The following BCL7A variants were observed in gnomAD, a reference collection of about 807,000 sequenced individuals.
BCL7A encodes the protein B-cell CLL/lymphoma 7 protein family member A.
In BCL7A, 11 loss-of-function variants were observed where a neutral mutation model predicts 28.4. The ratio of observed to expected loss-of-function variants is 0.39; its 90% CI spans 0.24 to 0.64. The LOEUF (loss-of-function observed/expected upper bound fraction) is 0.64. BCL7A is among the 30% of genes least tolerant of loss of function. BCL7A has a pLI of 0.50. For missense variants in BCL7A, 222 were observed against 274.8 expected, an observed-to-expected ratio of 0.81 and a Z score of 1.36; for synonymous variants, 123 against 103.3, an observed-to-expected ratio of 1.19 and a Z score of -1.15.
chr12:122,026,776 G>A (rs971233563), intron 1 of BCL7A, among the ~76,000 whole-genome samples: 5 of 152,368 alleles, frequency 3.3e-5, no homozygotes, highest in African/African-American at 1.2e-4. Context: ...CCTGGAGGGA[G>A]TCAGCAGGGT....
At chr12:122,030,595 C>A in intron 1 of BCL7A, 105 bp from the exon 2 acceptor site, 2 of 1,073,906 alleles carry the variant, frequency 1.9e-6, no homozygotes, top group Non-Finnish European at 2.9e-6. Flanking sequence ...GATTCCAACC[C>A]TCATCTGTGT....
At chr12:122,043,746 A>C in intron 3 of BCL7A, 140 bp from the exon 4 acceptor site, 1 of 907,048 alleles carries the variant, frequency 1.1e-6, no homozygotes, top group African/African-American at 1.7e-5. Flanking sequence ...AAAAAAAAAA[A>C]AAACGGTAAC....
In BCL7A at chr12:122,060,025, C is replaced by T. The variant is rs73217770; in HGVS notation, c.*862C>T. ...ACCACCACCCCCATCACTGCTTTCT[C>T]CCAGACCTCCGAATACGAAATGGCT... is the stretch of plus-strand genomic sequence containing the variant. On this transcript the variant is annotated 3_prime_UTR_variant, in exon 6 of 6. Transcript: ENST00000261822. 1.5e-3 allele frequency: 341 copies of T among 233,552 alleles called. No homozygotes were observed. The highest frequency in any genetic ancestry group is 6.3e-3 in the Middle Eastern group (5 of 800). 14.5% of individuals were successfully genotyped at this position (233,552 alleles called of 1,614,324 possible). A position where few individuals can be genotyped will look rare whatever the true frequency, so the allele number is the denominator to read the frequency against.
intron 1 of BCL7A, among the ~76,000 whole-genome samples, chr12:122,024,448 C>T (rs896082101): frequency 1.5e-5 from 2 of 134,604 alleles, no homozygotes; most frequent in African/African-American, 5.7e-5. Context: ...AGAAACTTGG[C>T]TTTGAGGTTT....
chr12:122,033,598 C>T (rs1468010684), intron 2 of BCL7A, among the ~76,000 whole-genome samples: 2 of 152,208 alleles, frequency 1.3e-5, no homozygotes, highest in Non-Finnish European at 2.9e-5. Flanking sequence ...CGGCGTGAGC[C>T]ACCACGCCCA....
At chr12:122,046,535 C>T (rs1005652243) in intron 4 of BCL7A, among the ~76,000 whole-genome samples, 1 of 152,178 alleles carries the variant, frequency 6.6e-6, no homozygotes, top group African/African-American at 2.4e-5. Context: ...CCCAAGAACC[C>T]ATAGGTCAGC....
intron 1 of BCL7A, among the ~76,000 whole-genome samples, chr12:122,023,201 G>T (rs1883514717): frequency 6.6e-6 from 1 of 152,194 alleles, no homozygotes; most frequent in Admixed American, 6.5e-5. Flanking sequence ...GCCAGGTTGG[G>T]TCAGAGTTGT....
At chr12:122,025,583 C>T (rs548827727) in intron 1 of BCL7A, among the ~76,000 whole-genome samples, 7 of 150,744 alleles carry the variant, frequency 4.6e-5, no homozygotes, top group Middle Eastern at 3.4e-3. Context: ...GCGGAGATTG[C>T]GCCACCGCAC....
At position 122,044,546 on chromosome 12, in the gene BCL7A, G is replaced by A. The variant is rs530107690; in HGVS notation, c.439+493G>A. ...TAAATAAAAATCAAACAATTGGCCA[G>A]GCATGGTGGCTCACACCTATAATCC... On this transcript the variant is annotated intron_variant, in intron 4 of 5. Coordinates refer to ENST00000261822, the MANE Select transcript of BCL7A (RefSeq NM_001024808.3). Among the ~76,000 whole-genome samples the A allele has an allele frequency of 1.2e-3, 187 of 151,720 alleles. 1 individual carries two copies. Among genetic ancestry groups the A allele is most frequent in the Non-Finnish European group, 2.5e-4 (17 of 67,918 alleles).
In BCL7A at chr12:122,059,477, C is replaced by G. The variant is rs78067163; in HGVS notation, c.*314C>G. 1,450 of 336,776 alleles carry G rather than the reference C, an allele frequency of 4.3e-3. 19 individuals are homozygous for G. The highest frequency in any genetic ancestry group is 0.027 in the African/African-American group (1,324 of 48,768). 20.9% of individuals were successfully genotyped at this position (336,776 alleles called of 1,614,324 possible). ...GTGTTGCTGCTGTATTTTCCCCCCA[C>G]TTCTCTATGTAACGATATAAGCTAT... On this transcript the variant is annotated 3_prime_UTR_variant, in exon 6 of 6. Transcript: ENST00000261822. This position sits in a 1 kb window ranked among gnomAD's most constrained non-coding sequence, Gnocchi z 4.0.
intron 4 of BCL7A, among the ~76,000 whole-genome samples, chr12:122,049,308 A>T (rs1330159947): frequency 6.6e-6 from 1 of 151,054 alleles, no homozygotes; most frequent in African/African-American, 2.4e-5. Flanking sequence ...CAAAATAGGG[A>T]GTGTTGGGAA....
chr12:122,031,882 A>G (rs971358552), intron 2 of BCL7A, among the ~76,000 whole-genome samples: 1 of 152,234 alleles, frequency 6.6e-6, no homozygotes, highest in Non-Finnish European at 1.5e-5. Context: ...AGTTACCTCC[A>G]GAGACCCCTC....
Position 122,029,308 on chromosome 12 carries a change from G to A in BCL7A, c.93-1392G>A, listed in dbSNP as rs1027942199. Among the ~76,000 whole-genome samples the A allele has an allele frequency of 1.3e-5, 2 of 152,132 alleles. No homozygotes were observed. The highest frequency in any genetic ancestry group is 4.8e-5 in the African/African-American group (2 of 41,432). ...GAGCGGGCAGGGTTTTTGGGGGTGAGGTGTCTGTGGTTTCGGCTGGCTGGG... is the reference window on the plus strand; with the variant it reads ...GAGCGGGCAGGGTTTTTGGGGGTGAAGTGTCTGTGGTTTCGGCTGGCTGGG... On this transcript the variant is annotated intron_variant, in intron 1 of 5. Transcript: ENST00000261822. This position sits in a 1 kb window ranked among gnomAD's most constrained non-coding sequence, Gnocchi z 4.3.
intron 3 of BCL7A, among the ~76,000 whole-genome samples, chr12:122,038,130 A>G (rs1348746736): frequency 6.6e-6 from 1 of 150,488 alleles, no homozygotes; most frequent in East Asian, 2.0e-4. Context: ...CAAAAAAAGA[A>G]AAAAGAAACG....
chr12:122,022,944 G>C (rs1370381955), intron 1 of BCL7A, among the ~76,000 whole-genome samples: 1 of 152,164 alleles, frequency 6.6e-6, no homozygotes, highest in Non-Finnish European at 1.5e-5. Context: ...GCCAGAAGCC[G>C]TTCGTCCTGG....
At chr12:122,030,542 A>G (rs1883720282) in intron 1 of BCL7A, among the ~76,000 whole-genome samples, 158 bp from the exon 2 acceptor site, 1 of 152,178 alleles carries the variant, frequency 6.6e-6, no homozygotes, top group Non-Finnish European at 1.5e-5. Context: ...TAGATGGGTG[A>G]TGTGGCCTGC....
At position 122,029,600 on chromosome 12, in the gene BCL7A, A is replaced by C. The variant is rs996375988; in HGVS notation, c.93-1100A>C. ...CTGTACCAGGGGTGCGCCTGCCCCA[A>C]CAGTGCCTGCTGGGCCCCTTAAATC... On this transcript the variant is annotated intron_variant, in intron 1 of 5. Coordinates refer to ENST00000261822, the MANE Select transcript of BCL7A (RefSeq NM_001024808.3). The surrounding 1 kb of genome is among the most constrained non-coding windows in gnomAD (Gnocchi z 4.3). Among the ~76,000 whole-genome samples, 1 of 152,178 alleles carries C rather than the reference A, an allele frequency of 6.6e-6. No homozygotes were observed. Among genetic ancestry groups the C allele is most frequent in the Non-Finnish European group, 1.5e-5 (1 of 68,030 alleles).
intron 3 of BCL7A, among the ~76,000 whole-genome samples, chr12:122,039,011 CA>C (rs200664087): frequency 6.6e-6 from 1 of 151,324 alleles, no homozygotes; most frequent in East Asian, 1.9e-4. Context: ...CTCATCTCTA[CA>C]AAAAAAACAA....
At chr12:122,057,443 G>C (rs1951886473) in intron 5 of BCL7A, among the ~76,000 whole-genome samples, 1 of 152,174 alleles carries the variant, frequency 6.6e-6, no homozygotes, top group African/African-American at 2.4e-5. Flanking sequence ...GTATTTGTAA[G>C]TTGTGGTTTC....
Sources: allele counts gnomAD v4.1 joint callset (sites outside exome capture counted in the v4.1 genomes callset), GRCh38; gene constraint gnomAD v4.1.1; non-coding constraint Gnocchi (gnomAD v3.1); transcripts MANE v1.5; gene names NCBI Gene and HGNC (gene_info 2026-07-23, HGNC 2026-07-21).